Variants in COL24A1 observed in about 807,000 individuals in gnomAD.
COL24A1 encodes collagen type XXIV alpha 1 chain, also known as collagen alpha-1(XXIV) chain.
In COL24A1, 224 loss-of-function variants were observed where a neutral mutation model predicts 253.9. The ratio of observed to expected loss-of-function variants is 0.88; its 90% CI spans 0.79 to 0.99. The LOEUF (loss-of-function observed/expected upper bound fraction) is 0.99. Among genes scored for constraint, COL24A1 ranks in the 50% least tolerant of loss-of-function variants. The probability of loss-of-function intolerance (pLI) is 0.00; values close to 1 mark genes in which losing one functional copy is unlikely to be tolerated. For synonymous variants in COL24A1, 685 were observed against 673.7 expected (o/e 1.02, Z -0.26); for missense variants, 2,131 against 2,068.5 (o/e 1.03, Z -0.59).
chr1:85,997,063 A>G (rs548492884), intron 19 of COL24A1, among the ~76,000 whole-genome samples: 15,614 of 94,284 alleles, frequency 0.17, 2,235 homozygotes, highest in East Asian at 0.5. Flanking sequence ...GTGTATATAT[A>G]TATATATATA....
chr1:85,737,233 C>T (rs1167753101), intron 58 of COL24A1, among the ~76,000 whole-genome samples, 163 bp downstream of exon 58: 1 of 152,142 alleles, frequency 6.6e-6, no homozygotes, highest in East Asian at 1.9e-4. Context: ...CTGTGATTAA[C>T]TAGTTTTAAA....
At chr1:85,824,607 C>T (rs1260615759) in intron 43 of COL24A1, among the ~76,000 whole-genome samples, 2 of 152,140 alleles carry the variant, frequency 1.3e-5, no homozygotes, top group Admixed American at 6.5e-5. Context: ...CACCACATGA[C>T]TCTGACATTC....
chr1:85,944,151 T>C (rs962750399), intron 24 of COL24A1, among the ~76,000 whole-genome samples: 3 of 152,224 alleles, frequency 2.0e-5, no homozygotes, highest in African/African-American at 4.8e-5. Flanking sequence ...AGCTTTTGTA[T>C]TGATCTTGTC....
chr1:85,954,591 G>A (rs975457162), intron 24 of COL24A1, among the ~76,000 whole-genome samples: 2 of 152,076 alleles, frequency 1.3e-5, no homozygotes, highest in Non-Finnish European at 2.9e-5. Context: ...TATATGCAAA[G>A]TATCTGGCAT....
intron 55 of COL24A1, among the ~76,000 whole-genome samples, chr1:85,759,161 G>T (rs1164650753): frequency 6.6e-6 from 1 of 152,100 alleles, no homozygotes; most frequent in African/African-American, 2.4e-5. Context: ...TATAGACATT[G>T]TTTCTCTCCA....
intron 11 of COL24A1, 137 bp downstream of exon 11, chr1:86,049,987 T>C (rs1700182592): frequency 1.7e-6 from 1 of 584,454 alleles, no homozygotes. Context: ...AAATTACATT[T>C]CTGGCAGGTG....
At chr1:85,923,164 A>T (rs777804542) in intron 24 of COL24A1, among the ~76,000 whole-genome samples, 2 of 152,226 alleles carry the variant, frequency 1.3e-5, no homozygotes, top group Non-Finnish European at 2.9e-5. Context: ...ACCCAGATTC[A>T]TAAAGCAAGT....
At chr1:86,027,504 A>G (rs751208648) in intron 14 of COL24A1, among the ~76,000 whole-genome samples, 2 of 152,216 alleles carry the variant, frequency 1.3e-5, no homozygotes, top group African/African-American at 2.4e-5. Context: ...CAGAGGGTGC[A>G]AGCCCCAAGC....
intron 5 of COL24A1, among the ~76,000 whole-genome samples, chr1:86,109,926 T>A (rs1326105895): frequency 6.6e-6 from 1 of 152,182 alleles, no homozygotes; most frequent in Non-Finnish European, 1.5e-5. Flanking sequence ...TTCCATTGTG[T>A]GATGACACAT....
At chr1:86,153,577 A>G (rs1489286400) in intron 1 of COL24A1, among the ~76,000 whole-genome samples, 1 of 152,204 alleles carries the variant, frequency 6.6e-6, no homozygotes, top group Non-Finnish European at 1.5e-5. Context: ...AATTCCCATA[A>G]TAACATTTAC....
chr1:86,111,979 T>C lies in COL24A1; in HGVS notation c.1599+588A>G, dbSNP rs181632028. 1.5e-3 allele frequency among the ~76,000 whole-genome samples: 224 copies of C among 152,286 alleles called. 2 individuals carry two copies. Among genetic ancestry groups the C allele is most frequent in the African/African-American group, 5.2e-3 (218 of 41,568 alleles). On this transcript the variant is annotated intron_variant, in intron 5 of 59. Transcript: ENST00000370571. ...CTCTGGACACACCATCTTTAAGAAC[T>C]GTAACACTCACCGCGAGGGTCCGTG...
intron 24 of COL24A1, among the ~76,000 whole-genome samples, chr1:85,926,456 G>T (rs1030418806): frequency 2.6e-5 from 4 of 152,108 alleles, no homozygotes; most frequent in Non-Finnish European, 5.9e-5. Context: ...AAGAATATGT[G>T]GCACATATAC....
chr1:85,901,242 AG>A, intron 28 of COL24A1, among the ~76,000 whole-genome samples: 2 of 152,326 alleles, frequency 1.3e-5, no homozygotes. Flanking sequence ...AATTGGGGAA[AG>A]AACCTGAGCA....
intron 5 of COL24A1, among the ~76,000 whole-genome samples, chr1:86,104,160 G>A (rs547879208): frequency 1.3e-5 from 2 of 151,422 alleles, no homozygotes; most frequent in Non-Finnish European, 2.9e-5. Flanking sequence ...TCTTTCTTCG[G>A]CTTGGTCTGT....
intron 3 of COL24A1, among the ~76,000 whole-genome samples, chr1:86,124,551 T>C (rs1368294941): frequency 6.6e-6 from 1 of 151,956 alleles, no homozygotes; most frequent in Non-Finnish European, 1.5e-5. Flanking sequence ...GAAATCCTGA[T>C]TGAATTTCAA....
intron 47 of COL24A1, among the ~76,000 whole-genome samples, chr1:85,799,948 T>C (rs928907958): frequency 2.6e-5 from 4 of 152,206 alleles, no homozygotes; most frequent in Admixed American, 1.3e-4. Flanking sequence ...TGCAACAGTA[T>C]TTAACATTAC....
intron 31 of COL24A1, among the ~76,000 whole-genome samples, chr1:85,890,504 G>A (rs1229250689): frequency 6.6e-6 from 1 of 151,352 alleles, no homozygotes; most frequent in African/African-American, 2.4e-5. Flanking sequence ...GTGATGTTGA[G>A]TATCTTTTCA....
intron 47 of COL24A1, 151 bp downstream of exon 47, chr1:85,816,637 C>T (rs1673069320): frequency 2.0e-5 from 12 of 609,982 alleles, no homozygotes; most frequent in East Asian, 1.6e-4. Context: ...CCTGGAAATC[C>T]TAAATACAAC....
At chr1:85,917,769 T>C (rs1686038061) in intron 24 of COL24A1, among the ~76,000 whole-genome samples, 1 of 152,094 alleles carries the variant, frequency 6.6e-6, no homozygotes, top group Non-Finnish European at 1.5e-5. Flanking sequence ...CTGCTCATTG[T>C]AACCTTTGCC....
Sources: gnomAD v4.1 joint callset for allele counts (sites outside exome capture counted in the v4.1 genomes callset) on GRCh38, gnomAD v4.1.1 for gene constraint, MANE v1.5 for transcripts, NCBI Gene and HGNC (gene_info 2026-07-23, HGNC 2026-07-21) for gene names.